Variants in PRDM10 observed in about 807,000 individuals in gnomAD.
The protein encoded by PRDM10 is PR domain zinc finger protein 10.
PRDM10 carries 65 observed loss-of-function variants against 133.1 expected under a neutral mutation model. The observed-to-expected ratio is 0.49, with a 90% CI of 0.40 to 0.60. The LOEUF is 0.60. Ranked by LOEUF, PRDM10 falls within the 20% of genes least tolerant of loss-of-function variation. The pLI is 0.00. For missense variants in PRDM10, 1,137 were observed against 1,507.1 expected, an observed-to-expected ratio of 0.75 and a Z score of 4.07; for synonymous variants, 582 against 580.4, an observed-to-expected ratio of 1.00 and a Z score of -0.04.
chr11:129,945,067 G>A lies in PRDM10; in HGVS notation c.521-55C>T, dbSNP rs1043756759. On this transcript the variant is annotated intron_variant, in intron 5 of 20. Transcript: ENST00000360871. The surrounding 1 kb of genome is among the most constrained non-coding windows in gnomAD (Gnocchi z 4.2). ...GTCCAATTCCTCAGTGTGACTTGAT[G>A]TGAGGTAAAAAATTCTGACCCGAAA... is the stretch of plus-strand genomic sequence containing the variant. 1 of 1,588,690 alleles carries A rather than the reference G, an allele frequency of 6.3e-7. No homozygotes were observed. The highest frequency in any genetic ancestry group is 1.9e-4 in the Middle Eastern group (1 of 5,270).
At position 129,900,137 on chromosome 11, in the gene PRDM10, G is replaced by A. The variant is rs1949804845; in HGVS notation, c.*2176C>T. ...GAGAGAGGCCACAATATCCACACTG[G>A]CTACATACATGTTTTCCAAATTAAG... On this transcript the variant is annotated 3_prime_UTR_variant, in exon 21 of 21. Coordinates refer to ENST00000360871, the MANE Select transcript of PRDM10 (RefSeq NM_199437.2). 1 of 152,328 alleles carries A rather than the reference G, an allele frequency of 6.6e-6. No individual in the cohort carries two copies. The highest frequency in any genetic ancestry group is 2.1e-4 in the South Asian group (1 of 4,830). 9.4% of individuals were successfully genotyped at this position (152,328 alleles called of 1,614,324 possible). A position where few individuals can be genotyped will look rare whatever the true frequency, so the allele number is the denominator to read the frequency against.
chr11:129,915,115 A>G (rs1425319452), intron 16 of PRDM10, 97 bp from the exon 17 acceptor site: 3 of 1,324,290 alleles, frequency 2.3e-6, no homozygotes, highest in Non-Finnish European at 3.1e-6. Flanking sequence ...AAAGTCTTTT[A>G]TGTCTTAAAA....
At chr11:129,944,388 A>T (rs546274586) in intron 6 of PRDM10, among the ~76,000 whole-genome samples, 87 of 151,534 alleles carry the variant, frequency 5.7e-4, no homozygotes, top group Non-Finnish European at 1.3e-4. Context: ...AGGTCAGGAG[A>T]TCGAGACCAC....
rs947292917 is a variant in PRDM10, at chr11:129,990,018, T to A, written c.-119+12704A>T. 3.3e-5 allele frequency among the ~76,000 whole-genome samples: 5 copies of A among 151,620 alleles called. No individual in the cohort carries two copies. The South Asian group carries it at 1.0e-3, about 32-fold the overall frequency. On this transcript the variant is annotated intron_variant, in intron 1 of 20. Coordinates refer to ENST00000360871, the MANE Select transcript of PRDM10 (RefSeq NM_199437.2). ...AGGAGTTCGAGACCAGCCTCAGCAA[T>A]ATGGCGAAACCCCATCTCTATTAAA...
At chr11:129,915,152 C>A in intron 16 of PRDM10, 134 bp from the exon 17 acceptor site, 2 of 879,736 alleles carry the variant, frequency 2.3e-6, no homozygotes, top group Non-Finnish European at 3.4e-6. Flanking sequence ...AACACTGACT[C>A]TATGCCTGTA....
chr11:129,997,114 C>T (rs1357477968), intron 1 of PRDM10, among the ~76,000 whole-genome samples: 7 of 152,176 alleles, frequency 4.6e-5, no homozygotes, highest in Admixed American at 3.9e-4. Context: ...AAACTGTCAA[C>T]GGTGCAAACG....
Position 129,923,687 on chromosome 11 carries a change from A to AGAGAGAGAGAGAGG in PRDM10, c.1879-285_1879-284insCCTCTCTCTCTCTC, listed in dbSNP as rs1565464200. Among the ~76,000 whole-genome samples, 7 of 145,198 alleles carry AGAGAGAGAGAGAGG rather than the reference A, an allele frequency of 4.8e-5. No individual in the cohort carries two copies. Among genetic ancestry groups the AGAGAGAGAGAGAGG allele is most frequent in the African/African-American group, 1.3e-4 (5 of 37,724 alleles). ...GAGAGAGAGAGAGAGAGAGAGAGAG[A>AGAGAGAGAGAGAGG]GAGAGAGTGCTTGCTTGGTCAAAGC... is the stretch of plus-strand genomic sequence containing the variant. On this transcript the variant is annotated intron_variant, in intron 12 of 20. Transcript: ENST00000360871. This position sits in a 1 kb window ranked among gnomAD's most constrained non-coding sequence, Gnocchi z 4.4.
At chr11:129,971,920 C>A (rs1952036627) in intron 1 of PRDM10, among the ~76,000 whole-genome samples, 2 of 152,218 alleles carry the variant, frequency 1.3e-5, no homozygotes. Context: ...TGCACAGGAA[C>A]CCACGGAGGG....
intron 1 of PRDM10, among the ~76,000 whole-genome samples, chr11:130,002,203 G>T (rs926966102): frequency 6.8e-6 from 1 of 147,926 alleles, no homozygotes; most frequent in Non-Finnish European, 1.5e-5. Context: ...CGCCGCGCCC[G>T]GAGCGCCCGC....
intron 2 of PRDM10, 97 bp downstream of exon 2, chr11:129,960,799 T>C: frequency 3.2e-6 from 4 of 1,268,548 alleles, no homozygotes; most frequent in Non-Finnish European, 4.5e-6. Flanking sequence ...TCCTAACGAC[T>C]AGTCACTACT....
At chr11:129,944,553 C>G (rs536511714) in intron 6 of PRDM10, among the ~76,000 whole-genome samples, 2 of 150,968 alleles carry the variant, frequency 1.3e-5, no homozygotes, top group South Asian at 4.2e-4. Context: ...CCACTGCACT[C>G]CAGCCTGGGC....
At chr11:129,926,832 T>C (rs1467094031) in intron 11 of PRDM10, among the ~76,000 whole-genome samples, 1 of 152,208 alleles carries the variant, frequency 6.6e-6, no homozygotes, top group Non-Finnish European at 1.5e-5. Context: ...AGTTTGAGAA[T>C]CAGTGAAATA....
chr11:129,947,104 T>C lies in PRDM10; in HGVS notation c.520+41A>G. 6.2e-7 allele frequency: 1 copy of C among 1,605,292 alleles called. No individual in the cohort carries two copies. Among genetic ancestry groups the C allele is most frequent in the Non-Finnish European group, 8.5e-7 (1 of 1,174,986 alleles). On this transcript the variant is annotated intron_variant, in intron 5 of 20. Coordinates refer to ENST00000360871, the MANE Select transcript of PRDM10 (RefSeq NM_199437.2). The surrounding 1 kb of genome is among the most constrained non-coding windows in gnomAD (Gnocchi z 4.6). ...CGCACACGTACACAGACACACAAGA[T>C]GGACACAGCTTCCCTGGGGGAGACC...
chr11:129,998,895 T>G (rs1939201389), intron 1 of PRDM10, among the ~76,000 whole-genome samples: 2 of 150,636 alleles, frequency 1.3e-5, no homozygotes, highest in Admixed American at 1.3e-4. Flanking sequence ...TGATCTCGGC[T>G]CACTGCAGCC....
intron 20 of PRDM10, 74 bp downstream of exon 20, chr11:129,905,564 A>C: frequency 9.3e-7 from 1 of 1,076,170 alleles, no homozygotes; most frequent in Non-Finnish European, 1.4e-6. Context: ...TCATTACGAG[A>C]TAAGTGGTGA....
intron 1 of PRDM10, among the ~76,000 whole-genome samples, chr11:129,984,903 A>G (rs1282613233): frequency 6.6e-6 from 1 of 152,138 alleles, no homozygotes; most frequent in Non-Finnish European, 1.5e-5. Context: ...CTCATTATCC[A>G]GATCTCAGGG....
In PRDM10 at chr11:129,914,894, G is replaced by A; in HGVS notation, c.2651C>T (p.Ala884Val). The A allele has an allele frequency of 6.2e-7, 1 of 1,614,176 alleles. No individual in the cohort carries two copies. Residue 884 changes from alanine to valine, a missense_variant, in exon 17 of 21, where the codon GCC (alanine) becomes GTC (valine). Transcript: ENST00000360871. ...ATPAVLTTDS[A>V]TGETVVTTDL... ...CGTCGTCACCACAGTCTCTCCAGTG[G>A]CGCTGTCTGTAGTCAAAACCGCTGG...
intron 1 of PRDM10, among the ~76,000 whole-genome samples, chr11:129,973,349 C>G (rs1397051421): frequency 6.6e-6 from 1 of 152,170 alleles, no homozygotes; most frequent in Non-Finnish European, 1.5e-5. Flanking sequence ...TGAATGAGGA[C>G]CTGCATAACT....
chr11:129,902,536 A>G lies in PRDM10; in HGVS notation c.3268-20T>C, dbSNP rs761575719. The G allele has an allele frequency of 1.1e-5, 17 of 1,609,066 alleles. No individual in the cohort carries two copies. Among genetic ancestry groups the G allele is most frequent in the Non-Finnish European group, 1.4e-5 (16 of 1,177,230 alleles). ...ATGACCCTAGAGGAAGAAGAAAAGG[A>G]TCCTTAAAAACTTGGGGCCTTAAAG... On this transcript the variant is annotated intron_variant, in intron 20 of 20. Transcript: ENST00000360871.
Sources: allele counts gnomAD v4.1 joint callset (sites outside exome capture counted in the v4.1 genomes callset), GRCh38; gene constraint gnomAD v4.1.1; non-coding constraint Gnocchi (gnomAD v3.1); transcripts MANE v1.5; gene names NCBI Gene and HGNC (gene_info 2026-07-23, HGNC 2026-07-21).